LMO7: variants seen among roughly 807,000 people sequenced by gnomAD.
The protein encoded by LMO7 is LIM domain 7, also known as LIM domain only protein 7.
Under a neutral mutation model 206.5 loss-of-function variants are expected in LMO7, and 120 were observed. That is an observed-to-expected ratio of 0.58 (90% CI 0.50 to 0.68). The LOEUF (loss-of-function observed/expected upper bound fraction) is 0.68. LMO7 is among the 30% of genes least tolerant of loss of function. The pLI is 0.00. For missense variants in LMO7, 1,959 were observed against 1,957.9 expected (o/e 1.00, Z -0.01); for synonymous variants, 706 against 681.5 (o/e 1.04, Z -0.56).
In LMO7 at chr13:75,697,166, A is replaced by G. The variant is rs1306455254; in HGVS notation, c.70-16016A>G. The stretch of plus-strand genomic sequence containing the variant: ...CAGAGAGAGCTAGCCACACTCTGGA[A>G]GGAGGTCGGGTGACTTCCTGAAGGC... On this transcript the variant is annotated intron_variant, in intron 1 of 30. Coordinates refer to ENST00000377534, the MANE Select transcript of LMO7 (RefSeq NM_001306080.2). Among the ~76,000 whole-genome samples the G allele has an allele frequency of 2.0e-5, 3 of 152,176 alleles. No individual in the cohort carries two copies. The East Asian group carries it at 5.8e-4, about 29-fold the overall frequency.
At chr13:75,677,653 T>TTTA (rs1218523798) in intron 1 of LMO7, among the ~76,000 whole-genome samples, 13 of 151,442 alleles carry the variant, frequency 8.6e-5, no homozygotes, top group Admixed American at 7.9e-4. Flanking sequence ...TTTTTTTTTT[T>TTTA]TATTATACTT....
intron 1 of LMO7, among the ~76,000 whole-genome samples, chr13:75,652,002 C>T (rs984014224): frequency 2.6e-5 from 4 of 152,128 alleles, no homozygotes; most frequent in Non-Finnish European, 4.4e-5. Context: ...TCATCTATTA[C>T]GAAGGAAGAA....
chr13:75,689,732 TTTGGACTC>T (rs1171187732), intron 1 of LMO7, among the ~76,000 whole-genome samples: 1 of 152,074 alleles, frequency 6.6e-6, no homozygotes, highest in Non-Finnish European at 1.5e-5. Context: ...TTCTTCAGGT[TTTGGACTC>T]TTGGACCTAC....
chr13:75,760,904 A>T, intron 3 of LMO7, 28 bp from the exon 4 acceptor site: 1 of 1,612,316 alleles, frequency 6.2e-7, no homozygotes, highest in Non-Finnish European at 8.5e-7. Flanking sequence ...AGCTCAGCTA[A>T]GCAATCACTT....
At chr13:75,692,035 A>G (rs1276702908) in intron 1 of LMO7, among the ~76,000 whole-genome samples, 1 of 152,118 alleles carries the variant, frequency 6.6e-6, no homozygotes, top group East Asian at 1.9e-4. Context: ...AAATCCCAAT[A>G]TCTTACCTTG....
chr13:75,689,550 G>A (rs1340477779), intron 1 of LMO7, among the ~76,000 whole-genome samples: 1 of 152,158 alleles, frequency 6.6e-6, no homozygotes, highest in Non-Finnish European at 1.5e-5. Flanking sequence ...GAGTCAGTGG[G>A]CTGGGAGAGA....
chr13:75,732,638 C>T (rs1452986010), intron 3 of LMO7, among the ~76,000 whole-genome samples: 1 of 152,236 alleles, frequency 6.6e-6, no homozygotes, highest in Non-Finnish European at 1.5e-5. Flanking sequence ...CAAAGTCATT[C>T]TCTGTCCAGC....
intron 1 of LMO7, among the ~76,000 whole-genome samples, chr13:75,670,177 C>T (rs1038748524): frequency 6.6e-6 from 1 of 152,146 alleles, no homozygotes; most frequent in Non-Finnish European, 1.5e-5. Flanking sequence ...TGGGAAGATG[C>T]TAGGATGAAT....
At chr13:75,812,530 G>C (rs534683312) in intron 11 of LMO7, among the ~76,000 whole-genome samples, 1 of 151,988 alleles carries the variant, frequency 6.6e-6, no homozygotes, top group African/African-American at 2.4e-5. Flanking sequence ...GGTTCTTTTC[G>C]ATCCTTACTC....
intron 1 of LMO7, among the ~76,000 whole-genome samples, chr13:75,646,888 G>A (rs1296960168): frequency 2.0e-5 from 3 of 152,092 alleles, no homozygotes; most frequent in African/African-American, 7.2e-5. Flanking sequence ...CCTGGCCTGG[G>A]TTTTATCTTA....
chr13:75,817,481 T>C (rs2057147879), intron 12 of LMO7, among the ~76,000 whole-genome samples: 1 of 152,138 alleles, frequency 6.6e-6, no homozygotes, highest in South Asian at 2.1e-4. Flanking sequence ...TTGTGAAAAA[T>C]ATACCTGGAT....
intron 1 of LMO7, among the ~76,000 whole-genome samples, chr13:75,696,547 CAA>C (rs1175724530): frequency 1.3e-5 from 2 of 152,092 alleles, no homozygotes; most frequent in African/African-American, 4.8e-5. Flanking sequence ...TCTTTCCACT[CAA>C]AGTTTTTCAG....
intron 28 of LMO7, 45 bp downstream of exon 28, chr13:75,853,433 T>G: frequency 4.7e-6 from 7 of 1,489,778 alleles, no homozygotes; most frequent in Non-Finnish European, 6.3e-6. Flanking sequence ...TCTTGGGTAT[T>G]TTTTCATTAA....
At chr13:75,731,862 A>T (rs1463719068) in intron 3 of LMO7, among the ~76,000 whole-genome samples, 1 of 151,728 alleles carries the variant, frequency 6.6e-6, no homozygotes, top group African/African-American at 2.4e-5. Flanking sequence ...TTGTCTGTAA[A>T]GTATTTTATT....
chr13:75,654,793 C>T (rs768434126), intron 1 of LMO7, among the ~76,000 whole-genome samples: 9 of 152,028 alleles, frequency 5.9e-5, no homozygotes, highest in Admixed American at 2.0e-4. Context: ...ATCTCCAATA[C>T]ATGTTTACTT....
At chr13:75,761,092 G>A (rs1594781994) in intron 4 of LMO7, 54 bp downstream of exon 4, 13 of 1,126,382 alleles carry the variant, frequency 1.2e-5, no homozygotes, top group South Asian at 9.5e-5. Context: ...CTTAGGGCTT[G>A]TAGCTTAAGT....
intron 11 of LMO7, among the ~76,000 whole-genome samples, chr13:75,809,450 T>C (rs1400178246): frequency 6.6e-6 from 1 of 152,210 alleles, no homozygotes; most frequent in Non-Finnish European, 1.5e-5. Context: ...AATGAGTTGA[T>C]TAAAAGTCAC....
intron 2 of LMO7, among the ~76,000 whole-genome samples, chr13:75,715,184 C>T (rs935147201): frequency 7.9e-5 from 12 of 152,162 alleles, no homozygotes; most frequent in African/African-American, 2.7e-4. Context: ...GCAACTTATG[C>T]ACCAGCCTGG....
intron 4 of LMO7, among the ~76,000 whole-genome samples, chr13:75,770,711 A>G (rs1594846919): frequency 2.0e-5 from 3 of 152,234 alleles, no homozygotes; most frequent in South Asian, 2.1e-4. Context: ...TCCTGTCACT[A>G]TGATGCAATT....
Sources: gnomAD v4.1 joint callset for allele counts (sites outside exome capture counted in the v4.1 genomes callset) on GRCh38, gnomAD v4.1.1 for gene constraint, MANE v1.5 for transcripts, NCBI Gene and HGNC (gene_info 2026-07-23, HGNC 2026-07-21) for gene names.